The following NXN variants were observed in gnomAD, a reference collection of about 807,000 sequenced individuals.
NXN encodes the protein nucleoredoxin 1.
Under a neutral mutation model 48.6 loss-of-function variants are expected in NXN, and 16 were observed. The ratio of observed to expected loss-of-function variants is 0.33; its 90% CI spans 0.22 to 0.50. NXN has a LOEUF of 0.50. NXN is among the 20% of genes least tolerant of loss of function. NXN has a pLI of 0.98. For missense variants in NXN, 492 were observed against 605.5 expected (o/e 0.81, Z 1.97); for synonymous variants, 281 against 269.6 (o/e 1.04, Z -0.41).
At chr17:841,060 C>G (rs958308711) in intron 1 of NXN, among the ~76,000 whole-genome samples, 9 of 152,188 alleles carry the variant, frequency 5.9e-5, no homozygotes, top group African/African-American at 2.2e-4. Context: ...GGGTAAATGA[C>G]TTAGTCTCCC....
At chr17:935,237 G>T (rs921746643) in intron 1 of NXN, among the ~76,000 whole-genome samples, 1 of 149,960 alleles carries the variant, frequency 6.7e-6, no homozygotes, top group Non-Finnish European at 1.5e-5. Flanking sequence ...CAGGTGATCT[G>T]CCCACCTTGG....
chr17:812,636 G>A (rs576955982), intron 5 of NXN, among the ~76,000 whole-genome samples: 1 of 141,724 alleles, frequency 7.1e-6, no homozygotes, highest in Non-Finnish European at 1.6e-5. Context: ...GTGTAGGTGT[G>A]TGTGAGTGTG....
chr17:802,380 C>T (rs976658616), intron 7 of NXN, among the ~76,000 whole-genome samples: 1 of 152,208 alleles, frequency 6.6e-6, no homozygotes, highest in Non-Finnish European at 1.5e-5. Flanking sequence ...CACTCTGAAC[C>T]TTGCCTCCCT....
chr17:850,517 A>G (rs1597662187), intron 1 of NXN, among the ~76,000 whole-genome samples: 1 of 152,184 alleles, frequency 6.6e-6, no homozygotes, highest in East Asian at 1.9e-4. Flanking sequence ...ACTTGCCAAG[A>G]AATGCCATTT....
intron 5 of NXN, among the ~76,000 whole-genome samples, chr17:812,525 G>C (rs576897184): frequency 7.9e-5 from 12 of 152,348 alleles, no homozygotes; most frequent in African/African-American, 2.2e-4. Context: ...GTGCAGACCA[G>C]ACACTCCAAC....
chr17:925,232 C>G lies in NXN; in HGVS notation c.360+54087G>C, dbSNP rs188111151. The stretch of plus-strand genomic sequence containing the variant: ...GGCCTCCCGCCTCCCGGAAAGCAAA[C>G]CTAGGAATACTCTTGACAGCTGGTC... On this transcript the variant is annotated intron_variant, in intron 1 of 7. Coordinates refer to ENST00000336868, the MANE Select transcript of NXN (RefSeq NM_022463.5). Among the ~76,000 whole-genome samples, 8 of 152,180 alleles carry G rather than the reference C, an allele frequency of 5.3e-5. No homozygotes were observed. The East Asian group carries it at 1.6e-3, about 29-fold the overall frequency.
At chr17:934,796 C>G (rs2068891344) in intron 1 of NXN, among the ~76,000 whole-genome samples, 1 of 151,846 alleles carries the variant, frequency 6.6e-6, no homozygotes, top group African/African-American at 2.4e-5. Flanking sequence ...ATCGCTTGAA[C>G]CCGGGAGGCG....
At chr17:944,066 C>T (rs1020787235) in intron 1 of NXN, among the ~76,000 whole-genome samples, 7 of 151,792 alleles carry the variant, frequency 4.6e-5, no homozygotes, top group Non-Finnish European at 7.4e-5. Context: ...GACGAAACCC[C>T]GTCTCTACTA....
At chr17:826,814 C>A (rs544781386) in intron 1 of NXN, among the ~76,000 whole-genome samples, 1 of 152,196 alleles carries the variant, frequency 6.6e-6, no homozygotes, top group Non-Finnish European at 1.5e-5. Context: ...GCGTAAAACA[C>A]GCTTCAGTCT....
intron 1 of NXN, among the ~76,000 whole-genome samples, chr17:960,373 T>G (rs1485431338): frequency 1.3e-5 from 2 of 151,502 alleles, no homozygotes; most frequent in Non-Finnish European, 2.9e-5. Context: ...TGACAGGGTC[T>G]CCTTCTGTCA....
chr17:967,655 A>G (rs2069322376), intron 1 of NXN, among the ~76,000 whole-genome samples: 2 of 152,262 alleles, frequency 1.3e-5, no homozygotes. Context: ...AAAGAGGCTT[A>G]AGGGATACAG....
chr17:938,848 C>G (rs12950096), intron 1 of NXN, among the ~76,000 whole-genome samples: 46,838 of 151,702 alleles, frequency 0.31, 7,398 homozygotes, highest in South Asian at 0.38. Flanking sequence ...TCACTTGAGG[C>G]CAGGGGTTCA....
At chr17:887,639 A>G (rs2068363299) in intron 1 of NXN, among the ~76,000 whole-genome samples, 1 of 152,132 alleles carries the variant, frequency 6.6e-6, no homozygotes, top group Admixed American at 6.6e-5. Context: ...CTCGCCAATT[A>G]AACGGGAATG....
In NXN at chr17:934,744, C is replaced by T. The variant is rs1191569602; in HGVS notation, c.360+44575G>A. 1.2e-4 allele frequency among the ~76,000 whole-genome samples: 18 copies of T among 147,762 alleles called. 1 individual carries two copies. Among genetic ancestry groups the T allele is most frequent in the Admixed American group, 1.2e-3 (18 of 14,812 alleles). On this transcript the variant is annotated intron_variant, in intron 1 of 7. Transcript: ENST00000336868. Reference sequence around the variant, plus strand: ...CAGAAATTAGCTGGTCGTGATGGCACGCACCTGTAATCCCAGCTACTTGGG... The same window carrying T: ...CAGAAATTAGCTGGTCGTGATGGCATGCACCTGTAATCCCAGCTACTTGGG...
At chr17:812,911 AC>A (rs1428876268) in intron 5 of NXN, among the ~76,000 whole-genome samples, 1 of 117,476 alleles carries the variant, frequency 8.5e-6, no homozygotes, top group Non-Finnish European at 1.8e-5. Flanking sequence ...TGCATGTGTG[AC>A]TGTAGGTGTG....
At chr17:886,009 C>T (rs2068343402) in intron 1 of NXN, among the ~76,000 whole-genome samples, 1 of 152,020 alleles carries the variant, frequency 6.6e-6, no homozygotes, top group African/African-American at 2.4e-5. Flanking sequence ...TTTTAATGCT[C>T]CTTAGAAAAT....
At chr17:883,311 G>A (rs576495785) in intron 1 of NXN, among the ~76,000 whole-genome samples, 1 of 152,296 alleles carries the variant, frequency 6.6e-6, no homozygotes, top group South Asian at 2.1e-4. Flanking sequence ...TCTGAGACAT[G>A]GAAACACCCT....
At chr17:876,171 G>C (rs2068212101) in intron 1 of NXN, among the ~76,000 whole-genome samples, 1 of 139,172 alleles carries the variant, frequency 7.2e-6, no homozygotes, top group Admixed American at 7.4e-5. Flanking sequence ...GACACAGTAA[G>C]AATCCATCAG....
intron 1 of NXN, among the ~76,000 whole-genome samples, chr17:862,214 A>G (rs555468070): frequency 1.3e-5 from 2 of 152,138 alleles, no homozygotes; most frequent in South Asian, 4.2e-4. Flanking sequence ...GCAATAATCA[A>G]TGTAGAAACA....
Sources: allele counts gnomAD v4.1 joint callset (sites outside exome capture counted in the v4.1 genomes callset), GRCh38; gene constraint gnomAD v4.1.1; transcripts MANE v1.5; gene names NCBI Gene and HGNC (gene_info 2026-07-23, HGNC 2026-07-21).